The following TDRD5 variants were observed in gnomAD, a reference collection of about 807,000 sequenced individuals.
TDRD5 encodes tudor domain containing 5, also known as tudor domain-containing protein 5.
A neutral mutation model predicts 120.6 loss-of-function variants in TDRD5; 41 were observed. The observed-to-expected ratio is 0.34, with a 90% CI of 0.26 to 0.44. The LOEUF (loss-of-function observed/expected upper bound fraction) is 0.44. Among genes scored for constraint, TDRD5 ranks in the 20% least tolerant of loss-of-function variants. The pLI is 1.00. For missense variants in TDRD5, 1,006 were observed against 1,221.2 expected, an observed-to-expected ratio of 0.82 and a Z score of 2.63; for synonymous variants, 430 against 433.7, an observed-to-expected ratio of 0.99 and a Z score of 0.11.
intron 17 of TDRD5, among the ~76,000 whole-genome samples, chr1:179,680,311 T>G (rs1680355121): frequency 6.6e-6 from 1 of 152,180 alleles, no homozygotes; most frequent in African/African-American, 2.4e-5. Flanking sequence ...CAAGTCAAGG[T>G]GATGAATAGT....
Position 179,592,611 on chromosome 1 carries a change from G to A in TDRD5, c.-5G>A, listed in dbSNP as rs938216813. On this transcript the variant is annotated 5_prime_UTR_variant, in exon 2 of 18. Coordinates refer to ENST00000444136, the MANE Select transcript of TDRD5 (RefSeq NM_001199085.3). ...GCGTTTCTGTCTTCAGTCCTGTAGGGCACAATGTCTGAACAAGAGCGTATA... is the reference window on the plus strand; with the variant it reads ...GCGTTTCTGTCTTCAGTCCTGTAGGACACAATGTCTGAACAAGAGCGTATA... The A allele has an allele frequency of 6.2e-7, 1 of 1,613,144 alleles. No homozygotes were observed. Among genetic ancestry groups the A allele is most frequent in the African/African-American group, 1.3e-5 (1 of 74,842 alleles).
intron 17 of TDRD5, among the ~76,000 whole-genome samples, chr1:179,683,504 AC>A (rs1200186390): frequency 2.0e-5 from 3 of 152,198 alleles, no homozygotes; most frequent in African/African-American, 7.2e-5. Context: ...TCAGAATTTC[AC>A]TTTTTAGAAT....
chr1:179,613,491 C>CA, intron 4 of TDRD5, among the ~76,000 whole-genome samples: 1 of 152,306 alleles, frequency 6.6e-6, no homozygotes, highest in Admixed American at 6.5e-5. Context: ...CAAGCTACCG[C>CA]AAACTGGGTG....
chr1:179,663,134 G>C lies in TDRD5; in HGVS notation c.2506-214G>C, dbSNP rs1363586426. 3.3e-5 allele frequency among the ~76,000 whole-genome samples: 5 copies of C among 152,192 alleles called. No homozygotes were observed. The South Asian group carries it at 8.3e-4, about 25-fold the overall frequency. The stretch of plus-strand genomic sequence containing the variant: ...TATTAAAGGAAAGACTACAAACAGA[G>C]TTGTATTTATTTTTGAGATCCATGT... On this transcript the variant is annotated intron_variant, in intron 15 of 17. Transcript: ENST00000444136.
Position 179,598,674 on chromosome 1 carries a change from G to T in TDRD5, c.831+2856G>T, listed in dbSNP as rs573655389. ...ATCATTGCTAATAGAAAATCAATTG[G>T]TTTTTTTTTTTTTGGGTATGTTGAC... is the stretch of plus-strand genomic sequence containing the variant. On this transcript the variant is annotated intron_variant, in intron 4 of 17. Transcript: ENST00000444136. Among the ~76,000 whole-genome samples, 54 of 143,732 alleles carry T rather than the reference G, an allele frequency of 3.8e-4. 2 individuals carry two copies. Among genetic ancestry groups the T allele is most frequent in the Non-Finnish European group, 4.6e-4 (30 of 65,258 alleles). The allele number at this position is 143,732 out of a possible 152,430, so 94.3% of individuals were successfully genotyped here.
At chr1:179,632,205 C>T (rs187782136) in intron 7 of TDRD5, among the ~76,000 whole-genome samples, 8 of 152,188 alleles carry the variant, frequency 5.3e-5, no homozygotes, top group Non-Finnish European at 7.4e-5. Context: ...CACTCCCGGC[C>T]GTGACCTTCT....
chr1:179,650,808 GTTA>G (rs1678669814), intron 11 of TDRD5, 56 bp from the exon 12 acceptor site: 1 of 1,545,236 alleles, frequency 6.5e-7, no homozygotes, highest in African/African-American at 1.4e-5. Context: ...GTTGTATATG[GTTA>G]TTATAATTCA....
At chr1:179,683,518 G>A (rs1188983951) in intron 17 of TDRD5, among the ~76,000 whole-genome samples, 1 of 152,034 alleles carries the variant, frequency 6.6e-6, no homozygotes, top group Non-Finnish European at 1.5e-5. Context: ...TTTAGAATAC[G>A]CTGTCAAATC....
intron 14 of TDRD5, among the ~76,000 whole-genome samples, chr1:179,661,375 G>C (rs1211204359): frequency 7.6e-6 from 1 of 132,370 alleles, no homozygotes; most frequent in Non-Finnish European, 1.7e-5. Flanking sequence ...TTTTTTGTTT[G>C]GTTGTTTTTT....
chr1:179,640,340 C>A, intron 10 of TDRD5, 39 bp from the exon 11 acceptor site: 1 of 1,607,774 alleles, frequency 6.2e-7, no homozygotes, highest in Non-Finnish European at 8.5e-7. Context: ...TTATATATAG[C>A]AGGAAGATTG....
At chr1:179,641,824 A>G (rs1678065058) in intron 11 of TDRD5, among the ~76,000 whole-genome samples, 1 of 152,184 alleles carries the variant, frequency 6.6e-6, no homozygotes, top group African/African-American at 2.4e-5. Flanking sequence ...CGCCTGCTTA[A>G]CCGTTTCTTT....
intron 14 of TDRD5, among the ~76,000 whole-genome samples, chr1:179,660,863 T>C (rs545319652): frequency 1.3e-5 from 2 of 152,346 alleles, no homozygotes; most frequent in South Asian, 2.1e-4. Context: ...ACAATTATTT[T>C]TGAGTAGGTA....
At chr1:179,627,383 A>G (rs146805423) in intron 6 of TDRD5, among the ~76,000 whole-genome samples, 3 of 152,318 alleles carry the variant, frequency 2.0e-5, no homozygotes, top group African/African-American at 7.2e-5. Context: ...GTGGCAATGT[A>G]CTCTGCTAAT....
At chr1:179,686,184 A>G (rs945853892) in intron 17 of TDRD5, among the ~76,000 whole-genome samples, 22 of 152,222 alleles carry the variant, frequency 1.4e-4, no homozygotes, top group Non-Finnish European at 2.6e-4. Flanking sequence ...TGGGTTTATC[A>G]TAAATAGCTC....
At chr1:179,686,015 CT>C (rs1419693216) in intron 17 of TDRD5, among the ~76,000 whole-genome samples, 2 of 152,168 alleles carry the variant, frequency 1.3e-5, no homozygotes, top group Non-Finnish European at 2.9e-5. Flanking sequence ...TCCTCTTTTC[CT>C]AACTGAATAC....
chr1:179,642,136 C>T (rs1326441781), intron 11 of TDRD5, among the ~76,000 whole-genome samples: 1 of 150,194 alleles, frequency 6.7e-6, no homozygotes, highest in Non-Finnish European at 1.5e-5. Context: ...AGTCTTCCTT[C>T]ATTGCCCAGG....
chr1:179,687,813 C>G (rs1408603493), intron 17 of TDRD5, among the ~76,000 whole-genome samples: 3 of 149,880 alleles, frequency 2.0e-5, no homozygotes, highest in Non-Finnish European at 4.4e-5. Context: ...TTCTTTGTCT[C>G]TTTTGATCTT....
At chr1:179,676,674 AC>A (rs1680161753) in intron 17 of TDRD5, among the ~76,000 whole-genome samples, 1 of 152,116 alleles carries the variant, frequency 6.6e-6, no homozygotes, top group African/African-American at 2.4e-5. Flanking sequence ...TAGAAATAGG[AC>A]CCCAGTCCCT....
chr1:179,690,001 C>A (rs1173879521), intron 17 of TDRD5, among the ~76,000 whole-genome samples: 1 of 152,188 alleles, frequency 6.6e-6, no homozygotes, highest in East Asian at 1.9e-4. Context: ...CTTGCGCTTC[C>A]CCGGTGAGGC....
Sources: allele counts gnomAD v4.1 joint callset (sites outside exome capture counted in the v4.1 genomes callset), GRCh38; gene constraint gnomAD v4.1.1; transcripts MANE v1.5; gene names NCBI Gene and HGNC (gene_info 2026-07-23, HGNC 2026-07-21).